The following GALK2 variants were observed in gnomAD, a reference collection of about 807,000 sequenced individuals.
The protein encoded by GALK2 is galactokinase 2.
Under a neutral mutation model 52.4 loss-of-function variants are expected in GALK2, and 36 were observed. The observed-to-expected ratio is 0.69, with a 90% confidence interval of 0.53 to 0.91. GALK2 has a LOEUF of 0.91. Ranked by LOEUF, GALK2 falls within the 40% of genes least tolerant of loss-of-function variation. The pLI, the probability that GALK2 is intolerant of heterozygous loss-of-function variation, is 0.00. For synonymous variants in GALK2, 176 were observed against 199.1 expected (o/e 0.88, Z 0.98); for missense variants, 579 against 559.1 (o/e 1.04, Z -0.36).
At chr15:49,163,500 TC>T (rs1181575488) in intron 1 of GALK2, among the ~76,000 whole-genome samples, 1 of 152,212 alleles carries the variant, frequency 6.6e-6, no homozygotes, top group Non-Finnish European at 1.5e-5. Flanking sequence ...AATTTAATTT[TC>T]GTGTATAGTG....
intron 3 of GALK2, among the ~76,000 whole-genome samples, chr15:49,232,914 C>G (rs2141466483): frequency 6.6e-6 from 1 of 152,330 alleles, no homozygotes; most frequent in South Asian, 2.1e-4. Flanking sequence ...CAACAAGTCT[C>G]TAGGAAGTTA....
intron 3 of GALK2, among the ~76,000 whole-genome samples, chr15:49,348,381 T>C (rs926059219): frequency 1.3e-5 from 2 of 152,188 alleles, no homozygotes; most frequent in East Asian, 1.9e-4. Context: ...GTCCTTCATA[T>C]AAAGATAGAA....
intron 5 of GALK2, among the ~76,000 whole-genome samples, chr15:49,273,208 C>T (rs1424917257): frequency 6.6e-6 from 1 of 152,172 alleles, no homozygotes; most frequent in Non-Finnish European, 1.5e-5. Context: ...TTAATGCAAA[C>T]TCTGAGTGCT....
intron 1 of GALK2, among the ~76,000 whole-genome samples, chr15:49,183,248 C>T (rs2086104269): frequency 6.6e-6 from 1 of 151,984 alleles, no homozygotes; most frequent in South Asian, 2.1e-4. Flanking sequence ...TTAGATGCAT[C>T]ATTAGGTCAT....
Position 49,328,540 on chromosome 15 carries a change from C to T in GALK2, c.*381C>T, listed in dbSNP as rs2037913735. The stretch of plus-strand genomic sequence containing the variant: ...ATACCACTGAATTGTATGCATTATT[C>T]TTGAATAGAGTTCATTTCTGGTTTC... On this transcript the variant is annotated 3_prime_UTR_variant, in exon 10 of 10. Coordinates refer to ENST00000560031, the MANE Select transcript of GALK2 (RefSeq NM_002044.4). The T allele has an allele frequency of 6.2e-7, 1 of 1,606,666 alleles. No individual in the cohort carries two copies. Among genetic ancestry groups the T allele is most frequent in the South Asian group, 1.1e-5 (1 of 90,004 alleles).
chr15:49,342,330 T>C (rs545256727), intron 3 of GALK2, among the ~76,000 whole-genome samples: 2 of 152,296 alleles, frequency 1.3e-5, no homozygotes, highest in Non-Finnish European at 2.9e-5. Flanking sequence ...CTGTTTTATC[T>C]GGTATAAGAA....
chr15:49,213,306 G>T (rs2089085842), intron 2 of GALK2, among the ~76,000 whole-genome samples: 1 of 151,852 alleles, frequency 6.6e-6, no homozygotes, highest in East Asian at 1.9e-4. Flanking sequence ...AACTACTCTT[G>T]CTCTCGTTTG....
chr15:49,184,015 T>C (rs548283148), intron 1 of GALK2, among the ~76,000 whole-genome samples: 37 of 152,332 alleles, frequency 2.4e-4, no homozygotes, highest in South Asian at 8.3e-4. Context: ...GTCTCATGTT[T>C]CTTTGTTGAT....
chr15:49,328,173 GTC>G lies in GALK2; in HGVS notation c.*16_*17del, dbSNP rs1297985420. 4.4e-6 allele frequency: 7 copies of G among 1,607,708 alleles called. No homozygotes were observed. In the African/African-American group the frequency reaches 9.4e-5, roughly 22 times the overall value. On this transcript the variant is annotated 3_prime_UTR_variant, in exon 10 of 10. Coordinates refer to ENST00000560031, the MANE Select transcript of GALK2 (RefSeq NM_002044.4). ...CTTGAGGCCTGAAAAAATGTAAAAA[GTC>G]TGAGAGAAACTACTTAGGGCACTTA...
At chr15:49,280,946 C>T (rs1422007393) in intron 5 of GALK2, among the ~76,000 whole-genome samples, 1 of 152,154 alleles carries the variant, frequency 6.6e-6, no homozygotes, top group Non-Finnish European at 1.5e-5. Flanking sequence ...AAGAGACTCT[C>T]CTGCCTCAGC....
intron 5 of GALK2, among the ~76,000 whole-genome samples, chr15:49,266,690 T>C (rs1463722149): frequency 6.6e-6 from 1 of 152,240 alleles, no homozygotes; most frequent in Non-Finnish European, 1.5e-5. Flanking sequence ...ATCTGGTTAG[T>C]GTCTTCAGCC....
intron 1 of GALK2, among the ~76,000 whole-genome samples, chr15:49,181,713 A>T (rs907885077): frequency 2.6e-5 from 4 of 151,956 alleles, no homozygotes; most frequent in African/African-American, 9.7e-5. Context: ...TTTTATTTTG[A>T]AATATTTTTA....
chr15:49,367,572 C>T lies in GALK2; in HGVS notation c.*36C>T, dbSNP rs1214217788. The T allele has an allele frequency of 3.1e-6, 5 of 1,600,356 alleles. No homozygotes were observed. The African/African-American group carries it at 6.8e-5, about 22-fold the overall frequency. ...CTCTGACCTCCAAAATTGAAGAGAA[C>T]ACGATTAAACTCTGGACCAGTACTA... On this transcript the variant is annotated 3_prime_UTR_variant, in exon 4 of 4. Coordinates refer to the GALK2 transcript ENST00000558399.
intron 9 of GALK2, among the ~76,000 whole-genome samples, chr15:49,326,426 A>T (rs1167474962): frequency 6.6e-6 from 1 of 151,722 alleles, no homozygotes; most frequent in African/African-American, 2.4e-5. Flanking sequence ...TAATTTTTGT[A>T]TTTTTAGTAG....
At chr15:49,366,846 G>A (rs2045304238) in intron 3 of GALK2, among the ~76,000 whole-genome samples, 1 of 152,164 alleles carries the variant, frequency 6.6e-6, no homozygotes, top group Non-Finnish European at 1.5e-5. Context: ...TAATTTAGTG[G>A]CTAGTGTTCT....
intron 8 of GALK2, among the ~76,000 whole-genome samples, chr15:49,293,925 C>G (rs2034190237): frequency 6.6e-6 from 1 of 151,764 alleles, no homozygotes; most frequent in Non-Finnish European, 1.5e-5. Context: ...CATAGTAAAA[C>G]CCTGCCTCTA....
In GALK2 at chr15:49,331,230, T is replaced by A. The variant is rs1316880673; in HGVS notation, c.*3071T>A. The A allele has an allele frequency of 1.8e-4, 28 of 153,070 alleles. No homozygotes were observed. Among genetic ancestry groups the A allele is most frequent in the Admixed American group, 1.8e-3 (28 of 15,348 alleles). The allele number at this position is 153,070 out of a possible 1,614,324, so 9.5% of individuals were successfully genotyped here. A position where few individuals can be genotyped will look rare whatever the true frequency, so the allele number is the denominator to read the frequency against. ...GACATATTGTACACTAGTCTCTACA[T>A]GTTCTTGTCTGTTGGGAGAGAAGAA... is the stretch of plus-strand genomic sequence containing the variant. On this transcript the variant is annotated 3_prime_UTR_variant, in exon 10 of 10. Coordinates refer to ENST00000560031, the MANE Select transcript of GALK2 (RefSeq NM_002044.4).
At chr15:49,282,221 T>C (rs905699781) in intron 6 of GALK2, 136 bp downstream of exon 6, 3 of 524,740 alleles carry the variant, frequency 5.7e-6, no homozygotes, top group Non-Finnish European at 1.0e-5. Context: ...GGATATTATT[T>C]CCCAACTGCT....
intron 1 of GALK2, among the ~76,000 whole-genome samples, chr15:49,182,915 T>G (rs2086079057): frequency 6.6e-6 from 1 of 152,196 alleles, no homozygotes; most frequent in South Asian, 2.1e-4. Flanking sequence ...TGCAAATATT[T>G]TTTCTCATTC....
Sources: allele counts gnomAD v4.1 joint callset (sites outside exome capture counted in the v4.1 genomes callset), GRCh38; gene constraint gnomAD v4.1.1; transcripts MANE v1.5; gene names NCBI Gene and HGNC (gene_info 2026-07-23, HGNC 2026-07-21).